ARHGAP17: variants seen among roughly 807,000 people sequenced by gnomAD.
ARHGAP17 encodes the protein Rho GTPase activating protein 17, also known as rho GTPase-activating protein 17.
A neutral mutation model predicts 99.5 loss-of-function variants in ARHGAP17; 57 were observed. The observed-to-expected ratio is 0.57, with a 90% confidence interval of 0.46 to 0.71. The LOEUF (loss-of-function observed/expected upper bound fraction) is 0.71. Among genes scored for constraint, ARHGAP17 ranks in the 30% least tolerant of loss-of-function variants. ARHGAP17 has a pLI of 0.00. For synonymous variants in ARHGAP17, 417 were observed against 429.6 expected (o/e 0.97, Z 0.36); for missense variants, 1,000 against 1,122.4 (o/e 0.89, Z 1.56).
chr16:25,013,590 C>G lies in ARHGAP17; in HGVS notation c.53+1619G>C, dbSNP rs183343279. On this transcript the variant is annotated intron_variant, in intron 1 of 19. Transcript: ENST00000289968. The stretch of plus-strand genomic sequence containing the variant: ...TGAGACAAGATCGCACCACTGCACC[C>G]CAGCTTGGGTGACAAAGGGAGACCC... Among the ~76,000 whole-genome samples the G allele has an allele frequency of 7.1e-4, 108 of 151,822 alleles. No homozygotes were observed. The East Asian group carries it at 0.02, about 27-fold the overall frequency.
intron 19 of ARHGAP17, 37 bp downstream of exon 19, chr16:24,930,747 G>T (rs370938803): frequency 6.2e-7 from 1 of 1,614,216 alleles, no homozygotes; most frequent in South Asian, 1.1e-5. Flanking sequence ...GCAATGTAGA[G>T]CAGACGAGGA....
chr16:24,963,625 G>C (rs1270103311), intron 7 of ARHGAP17, among the ~76,000 whole-genome samples: 3 of 152,000 alleles, frequency 2.0e-5, no homozygotes, highest in Non-Finnish European at 4.4e-5. Flanking sequence ...TACACAGGTG[G>C]ATGCAGAGAG....
chr16:24,974,986 G>A lies in ARHGAP17; in HGVS notation c.198+2229C>T, dbSNP rs946681386. On this transcript the variant is annotated intron_variant, in intron 3 of 19. Coordinates refer to ENST00000289968, the MANE Select transcript of ARHGAP17 (RefSeq NM_001006634.3). ...ACAGATGAGACCTCATCTCTACTAC[G>A]AAAAAAACAAACAAACAATTAGCCA... 5.9e-5 allele frequency among the ~76,000 whole-genome samples: 9 copies of A among 151,826 alleles called. No homozygotes were observed. The South Asian group carries it at 1.5e-3, about 25-fold the overall frequency.
chr16:24,984,048 G>A (rs906181804), intron 1 of ARHGAP17, among the ~76,000 whole-genome samples: 2 of 152,132 alleles, frequency 1.3e-5, no homozygotes, highest in East Asian at 3.8e-4. Flanking sequence ...TTTTCAATCT[G>A]GAGTAGTTCA....
intron 1 of ARHGAP17, among the ~76,000 whole-genome samples, chr16:25,012,825 A>G (rs116002672): frequency 9.8e-5 from 15 of 152,352 alleles, no homozygotes; most frequent in African/African-American, 3.6e-4. Flanking sequence ...AAAGATTTTT[A>G]AAGACAGTCA....
intron 19 of ARHGAP17, among the ~76,000 whole-genome samples, chr16:24,928,898 G>A (rs532222682): frequency 6.2e-4 from 95 of 152,288 alleles, no homozygotes; most frequent in African/African-American, 2.2e-3. Context: ...TAGGGTATTT[G>A]GCGGAAGATT....
At chr16:24,998,275 G>T (rs915072507) in intron 1 of ARHGAP17, among the ~76,000 whole-genome samples, 1 of 152,000 alleles carries the variant, frequency 6.6e-6, no homozygotes, top group African/African-American at 2.4e-5. Context: ...GGAGGGCTGA[G>T]AAAAGCCTGA....
rs2051690659 is a variant in ARHGAP17 at position 24,953,016 on chromosome 16, G to A, written c.879C>T (p.Ala293=). The change falls in exon 11 of 20, where the codon GCC becomes GCT. Residue 293 remains alanine (A), a synonymous_variant. Transcript: ENST00000289968. ...EEGLFRIGAG[A]SKLKKLKAAL... ...CAGCTTTCAGCTTCTTTAACTTGGA[G>A]GCCCCAGCCCCAATTCGGAAAAGGC... 6.2e-7 allele frequency: 1 copy of A among 1,614,060 alleles called. No homozygotes were observed. Among genetic ancestry groups the A allele is most frequent in the African/African-American group, 1.3e-5 (1 of 74,920 alleles).
chr16:24,956,717 A>C (rs2051820012), intron 9 of ARHGAP17: 1 of 152,224 alleles, frequency 6.6e-6, no homozygotes, highest in Non-Finnish European at 1.5e-5. Flanking sequence ...AGATGTTCTC[A>C]ACTTTCAGGA....
At chr16:25,004,374 C>G (rs978696622) in intron 1 of ARHGAP17, among the ~76,000 whole-genome samples, 5 of 152,242 alleles carry the variant, frequency 3.3e-5, no homozygotes, top group African/African-American at 1.2e-4. Context: ...CACACTCCCT[C>G]CATCCAAGCA....
intron 19 of ARHGAP17, among the ~76,000 whole-genome samples, chr16:24,921,867 T>TAGA (rs1470193578): frequency 8.5e-5 from 13 of 152,264 alleles, no homozygotes; most frequent in African/African-American, 2.6e-4. Context: ...CCAAAGGTGG[T>TAGA]CTGTATGCAC....
At chr16:24,925,118 C>T (rs553863153) in intron 19 of ARHGAP17, among the ~76,000 whole-genome samples, 9 of 152,136 alleles carry the variant, frequency 5.9e-5, no homozygotes, top group South Asian at 4.1e-4. Flanking sequence ...GTGGCTCATG[C>T]CTGTAATCCT....
At chr16:24,931,532 G>GCCCTCCT in intron 18 of ARHGAP17, 128 bp from the exon 19 acceptor site, 1 of 905,642 alleles carries the variant, frequency 1.1e-6, no homozygotes. Flanking sequence ...GATGAGAGGT[G>GCCCTCCT]GTCAGGAGGG....
Position 25,014,936 on chromosome 16 carries a change from T to TG in ARHGAP17, c.53+272dup, listed in dbSNP as rs1417945455. On this transcript the variant is annotated intron_variant, in intron 1 of 19. Transcript: ENST00000289968. ...GGCGATGCTCCCGGGGCAGGGACAA[T>TG]GGGCAGGGGACCCCGCGGTGTGGCG... 2.6e-5 allele frequency among the ~76,000 whole-genome samples: 4 copies of TG among 151,606 alleles called. No individual in the cohort carries two copies. The East Asian group carries it at 7.8e-4, about 29-fold the overall frequency.
chr16:24,999,969 C>T (rs1447912423), intron 1 of ARHGAP17, among the ~76,000 whole-genome samples: 2 of 152,160 alleles, frequency 1.3e-5, no homozygotes, highest in Non-Finnish European at 2.9e-5. Flanking sequence ...CACACACCAC[C>T]TTCTTAAACA....
intron 3 of ARHGAP17, chr16:24,972,535 A>G (rs2052397834): frequency 6.6e-6 from 1 of 152,230 alleles, no homozygotes; most frequent in South Asian, 2.1e-4. Flanking sequence ...CAAGGAGACT[A>G]TTCCCAGCTG....
chr16:24,999,978 C>T (rs964629203), intron 1 of ARHGAP17, among the ~76,000 whole-genome samples: 1 of 152,150 alleles, frequency 6.6e-6, no homozygotes, highest in Non-Finnish European at 1.5e-5. Flanking sequence ...CCTTCTTAAA[C>T]ACAGCAGAGC....
intron 16 of ARHGAP17, chr16:24,939,886 G>C (rs1480935771): frequency 2.3e-6 from 1 of 434,080 alleles, no homozygotes; most frequent in African/African-American, 2.0e-5. Flanking sequence ...ATGTTAGTGT[G>C]TTTATCCCCA....
chr16:24,934,161 A>T (rs1356804042), intron 18 of ARHGAP17, among the ~76,000 whole-genome samples: 2 of 151,024 alleles, frequency 1.3e-5, no homozygotes, highest in East Asian at 3.9e-4. Context: ...AATTTAATCC[A>T]TTTTTTTTTC....
Sources: gnomAD v4.1 joint callset for allele counts (sites outside exome capture counted in the v4.1 genomes callset) on GRCh38, gnomAD v4.1.1 for gene constraint, MANE v1.5 for transcripts, NCBI Gene and HGNC (gene_info 2026-07-23, HGNC 2026-07-21) for gene names.